PABPC1: variants seen among roughly 807,000 people sequenced by gnomAD.
PABPC1 encodes the protein poly(A) binding protein cytoplasmic 1, also known as polyadenylate-binding protein 1.
In PABPC1, 4 loss-of-function variants were observed where a neutral mutation model predicts 74.0. That is an observed-to-expected ratio of 0.05 (90% CI 0.03 to 0.12). The LOEUF (loss-of-function observed/expected upper bound fraction) is 0.12, where lower values mean the gene tolerates loss of function less well. Ranked by LOEUF, PABPC1 falls within the 10% of genes least tolerant of loss-of-function variation. PABPC1 has a pLI of 1.00. For synonymous variants in PABPC1, 227 were observed against 264.1 expected (o/e 0.86, Z 1.36); for missense variants, 271 against 821.1 (o/e 0.33, Z 8.19).
intron 5 of PABPC1, 111 bp downstream of exon 5, chr8:100,712,976 T>A: frequency 9.7e-7 from 1 of 1,029,332 alleles, no homozygotes; most frequent in South Asian, 1.7e-5. Flanking sequence ...AAAATGCAAA[T>A]AACTGAAAAT....
At chr8:100,719,653 A>G (rs1427835930) in intron 1 of PABPC1, among the ~76,000 whole-genome samples, 3 of 152,230 alleles carry the variant, frequency 2.0e-5, no homozygotes, top group African/African-American at 7.2e-5. Context: ...TATACTGTAC[A>G]CTGTAACCAC....
chr8:100,717,832 C>G lies in PABPC1; in HGVS notation c.444G>C (p.Gln148His), dbSNP rs2129748523. 6.2e-7 allele frequency: 1 copy of G among 1,614,058 alleles called. No homozygotes were observed. The highest frequency in any genetic ancestry group is 8.5e-7 in the Non-Finnish European group (1 of 1,179,976). ...TTTCAATAGCTCTTTCAGCTGCTTC[C>G]TGCGTCTCAAAGTGTACAAATCCAT... is the stretch of plus-strand genomic sequence containing the variant. ...KGYGFVHFETQEAAERAIEKM... is the reference protein window; with the variant it reads ...KGYGFVHFETHEAAERAIEKM... Residue 148 changes from glutamine to histidine, a missense_variant, in exon 3 of 15, where the codon CAG becomes CAC. Gln to His is a conservative substitution (Grantham distance 24). Coordinates refer to ENST00000318607, the MANE Select transcript of PABPC1 (RefSeq NM_002568.4).
chr8:100,708,836 C>T (rs778509227), intron 9 of PABPC1, among the ~76,000 whole-genome samples: 1 of 152,006 alleles, frequency 6.6e-6, no homozygotes, highest in Non-Finnish European at 1.5e-5. Flanking sequence ...CGAAACTGAG[C>T]CACTGCACTC....
At chr8:100,715,646 A>G in intron 3 of PABPC1, 45 bp from the exon 4 acceptor site, 1 of 1,435,292 alleles carries the variant, frequency 7.0e-7, no homozygotes, top group Non-Finnish European at 9.5e-7. Context: ...CTATTTTATA[A>G]AGTTCAGATT....
rs1428823062 is a variant in PABPC1, at chr8:100,713,151, T to C, written c.674A>G (p.Asp225Gly). The change falls in exon 5 of 15, where the codon GAT becomes GGT. Residue 225 changes from aspartate to glycine, a missense_variant. By Grantham distance (94) the Asp-to-Gly change is moderately conservative. Transcript: ENST00000318607. ...AAATCCTTTGGATTTTCCACTTTCA[T>C]CAGTCATTACTTTCACACTTAAGGC... ...GPALSVKVMTDESGKSKGFGF... is the reference protein window; with the variant it reads ...GPALSVKVMTGESGKSKGFGF... 6.2e-7 allele frequency: 1 copy of C among 1,611,244 alleles called. No individual in the cohort carries two copies.
At chr8:100,713,348 C>A (rs1268377190) in intron 4 of PABPC1, among the ~76,000 whole-genome samples, 167 bp from the exon 5 acceptor site, 1 of 152,110 alleles carries the variant, frequency 6.6e-6, no homozygotes. Context: ...ATTGAAAGAC[C>A]TTTTATTATT....
chr8:100,719,178 AAG>A (rs1249498468), intron 1 of PABPC1, among the ~76,000 whole-genome samples: 3 of 152,246 alleles, frequency 2.0e-5, no homozygotes, highest in Non-Finnish European at 1.5e-5. Flanking sequence ...CTTAAATAAA[AAG>A]ACTAGTCCCC....
chr8:100,705,596 T>C lies in PABPC1; in HGVS notation c.1680A>G (p.Gln560=), dbSNP rs147047132. ...LASAPPQEQK[Q]MLGERLFPLI... ...TGGGACAGAAGTACTCACCCAACAT[T>C]TGCTTTTGCTCTTGAGGAGGGGCAG... is the stretch of plus-strand genomic sequence containing the variant. The change falls in exon 12 of 15, where the codon CAA becomes CAG. Residue 560 remains glutamine (Q), a synonymous_variant. Transcript: ENST00000318607. 36 of 1,611,570 alleles carry C rather than the reference T, an allele frequency of 2.2e-5. 1 individual carries two copies. The highest frequency in any genetic ancestry group is 1.7e-4 in the African/African-American group (13 of 74,918).
chr8:100,714,722 C>CA (rs141607220), intron 4 of PABPC1, among the ~76,000 whole-genome samples: 7,602 of 146,006 alleles, frequency 0.052, 613 homozygotes, highest in African/African-American at 0.17. Context: ...GAGCAAGAGT[C>CA]AAAAAAAAAA....
intron 7 of PABPC1, among the ~76,000 whole-genome samples, chr8:100,711,356 T>G (rs1810523405): frequency 6.6e-6 from 1 of 151,976 alleles, no homozygotes; most frequent in Non-Finnish European, 1.5e-5. Flanking sequence ...GGGCCGCATG[T>G]GGCCTGCAAG....
chr8:100,710,522 A>G (rs1810499951), intron 7 of PABPC1, among the ~76,000 whole-genome samples: 1 of 152,248 alleles, frequency 6.6e-6, no homozygotes, highest in Non-Finnish European at 1.5e-5. Flanking sequence ...ACTGGGACAA[A>G]TGAAAAAATG....
chr8:100,707,185 C>G, intron 9 of PABPC1, 188 bp from the exon 10 acceptor site: 1 of 498,000 alleles, frequency 2.0e-6, no homozygotes, highest in Non-Finnish European at 3.7e-6. Context: ...TTAATTCATA[C>G]AAGGACGAGT....
At chr8:100,714,924 T>A (rs1400445586) in intron 4 of PABPC1, among the ~76,000 whole-genome samples, 1 of 152,182 alleles carries the variant, frequency 6.6e-6, no homozygotes, top group African/African-American at 2.4e-5. Flanking sequence ...TTTTATGAAG[T>A]TATTTTTAAA....
At chr8:100,706,129 G>T (rs1484962714) in intron 11 of PABPC1, among the ~76,000 whole-genome samples, 9 of 152,230 alleles carry the variant, frequency 5.9e-5, no homozygotes, top group Non-Finnish European at 1.3e-4. Flanking sequence ...ACATAGAGGT[G>T]TGAGCCACCA....
At chr8:100,712,826 A>C in intron 5 of PABPC1, 37 bp from the exon 6 acceptor site, 1 of 1,537,674 alleles carries the variant, frequency 6.5e-7, no homozygotes, top group Non-Finnish European at 8.7e-7. Flanking sequence ...AAAAATCACA[A>C]AACTTTCAAC....
intron 4 of PABPC1, among the ~76,000 whole-genome samples, chr8:100,713,969 G>C (rs1260929575): frequency 6.6e-6 from 1 of 152,174 alleles, no homozygotes; most frequent in Non-Finnish European, 1.5e-5. Context: ...ACCTGGAAGA[G>C]GAAGCATTTA....
chr8:100,704,519 TA>T (rs1165963159), intron 13 of PABPC1, 129 bp from the exon 14 acceptor site: 6 of 784,682 alleles, frequency 7.6e-6, no homozygotes, highest in African/African-American at 3.4e-5. Context: ...ATTGTTACAC[TA>T]AACAACTATA....
intron 3 of PABPC1, 45 bp downstream of exon 3, chr8:100,717,728 A>T (rs1183977246): frequency 8.6e-7 from 1 of 1,163,272 alleles, no homozygotes; most frequent in South Asian, 1.3e-5. Flanking sequence ...TGGAATTATT[A>T]AAAATAAGAT....
chr8:100,704,813 A>C (rs912983489), intron 13 of PABPC1, 113 bp downstream of exon 13: 17 of 1,062,154 alleles, frequency 1.6e-5, no homozygotes, highest in Non-Finnish European at 2.1e-5. Flanking sequence ...CAGACTTTAC[A>C]ACTGTACATG....
Sources: gnomAD v4.1 joint callset for allele counts (sites outside exome capture counted in the v4.1 genomes callset) on GRCh38, gnomAD v4.1.1 for gene constraint, MANE v1.5 for transcripts, NCBI Gene and HGNC (gene_info 2026-07-23, HGNC 2026-07-21) for gene names.